RXFP1: variants seen among roughly 807,000 people sequenced by gnomAD.
RXFP1 encodes the protein relaxin family peptide receptor 1.
A neutral mutation model predicts 89.8 loss-of-function variants in RXFP1; 73 were observed. That is an observed-to-expected ratio of 0.81 (90% confidence interval 0.67 to 0.99). The LOEUF is 0.99. Among genes scored for constraint, RXFP1 ranks in the 50% least tolerant of loss-of-function variants. RXFP1 has a pLI of 0.00. For missense variants in RXFP1, 793 were observed against 895.5 expected (o/e 0.89, Z 1.46); for synonymous variants, 277 against 305.5 (o/e 0.91, Z 0.97).
At chr4:158,617,106 A>T (rs1363333339) in intron 8 of RXFP1, 25 bp from the exon 9 acceptor site, 20 of 1,540,270 alleles carry the variant, frequency 1.3e-5, no homozygotes, top group Admixed American at 8.7e-5. Context: ...GAAAAATGTG[A>T]CTTGTTTGTC....
At chr4:158,639,116 A>G (rs1769836267) in intron 13 of RXFP1, 144 bp from the exon 14 acceptor site, 1 of 533,678 alleles carries the variant, frequency 1.9e-6, no homozygotes. Context: ...GATTTGGGGA[A>G]GTGGGTGGGT....
intron 1 of RXFP1, among the ~76,000 whole-genome samples, chr4:158,541,497 A>G (rs567404569): frequency 5.3e-5 from 8 of 152,124 alleles, no homozygotes; most frequent in Non-Finnish European, 7.3e-5. Context: ...CTTGGAAACT[A>G]TTTCAGCTCC....
chr4:158,616,892 G>A (rs1222556716), intron 8 of RXFP1, among the ~76,000 whole-genome samples: 5 of 151,062 alleles, frequency 3.3e-5, no homozygotes, highest in Non-Finnish European at 7.4e-5. Flanking sequence ...CCAGCTGCTC[G>A]GAGGGCCGAG....
Position 158,528,399 on chromosome 4 carries a change from G to A in RXFP1, c.49+6374G>A, listed in dbSNP as rs140387255. 2.1e-3 allele frequency among the ~76,000 whole-genome samples: 317 copies of A among 152,234 alleles called. 2 individuals carry two copies. The highest frequency in any genetic ancestry group is 7.3e-3 in the African/African-American group (303 of 41,550). On this transcript the variant is annotated intron_variant, in intron 1 of 17. Transcript: ENST00000307765. ...CAAGTATCTGTAGTTCCAGCTACTC[G>A]GGAAGCTGAGGTGGGAGGATCGCTT...
At chr4:158,627,271 A>G (rs1767040487) in intron 10 of RXFP1, among the ~76,000 whole-genome samples, 1 of 152,130 alleles carries the variant, frequency 6.6e-6, no homozygotes, top group South Asian at 2.1e-4. Flanking sequence ...TGTTAAAAGT[A>G]AAGGATGTTA....
chr4:158,538,681 C>A (rs1745856548), intron 1 of RXFP1, among the ~76,000 whole-genome samples: 1 of 151,962 alleles, frequency 6.6e-6, no homozygotes, highest in Non-Finnish European at 1.5e-5. Flanking sequence ...GGCGTCCTGG[C>A]ACATGCCTGT....
chr4:158,632,133 G>T (rs895128893), intron 11 of RXFP1, among the ~76,000 whole-genome samples: 8 of 152,160 alleles, frequency 5.3e-5, no homozygotes, highest in Non-Finnish European at 1.2e-4. Context: ...TTATGAAAGA[G>T]ATGGAATTTT....
chr4:158,630,719 T>C (rs1767872790), intron 11 of RXFP1, among the ~76,000 whole-genome samples: 2 of 152,218 alleles, frequency 1.3e-5, no homozygotes, highest in South Asian at 4.1e-4. Context: ...TAATCCCATA[T>C]TAAACACTTA....
At chr4:158,638,118 T>C (rs1769574645) in intron 13 of RXFP1, 39 bp downstream of exon 13, 1 of 1,228,222 alleles carries the variant, frequency 8.1e-7, no homozygotes, top group African/African-American at 1.5e-5. Flanking sequence ...ATGATAAAAT[T>C]GTTTTTTAAA....
At chr4:158,564,801 T>C (rs1018506151) in intron 1 of RXFP1, among the ~76,000 whole-genome samples, 4 of 152,234 alleles carry the variant, frequency 2.6e-5, no homozygotes, top group African/African-American at 9.6e-5. Context: ...TTCTATTGAT[T>C]TGTGTTATTG....
intron 6 of RXFP1, among the ~76,000 whole-genome samples, chr4:158,611,451 G>T (rs533930882): frequency 6.6e-6 from 1 of 152,274 alleles, no homozygotes; most frequent in Non-Finnish European, 1.5e-5. Context: ...ACAGGCCCCT[G>T]CCTGCCTCCT....
At chr4:158,549,504 T>C (rs1749513390) in intron 1 of RXFP1, among the ~76,000 whole-genome samples, 1 of 152,252 alleles carries the variant, frequency 6.6e-6, no homozygotes, top group Admixed American at 6.5e-5. Flanking sequence ...GGAGCTGCGT[T>C]CCTTTGGAGG....
At chr4:158,562,838 CCAA>C (rs145457590) in intron 1 of RXFP1, among the ~76,000 whole-genome samples, 4,818 of 152,166 alleles carry the variant, frequency 0.032, 240 homozygotes, top group African/African-American at 0.11. Flanking sequence ...GCAAATTAAA[CCAA>C]CAAGAGGCTG....
intron 1 of RXFP1, among the ~76,000 whole-genome samples, chr4:158,529,877 T>G (rs1743594348): frequency 6.6e-6 from 1 of 152,230 alleles, no homozygotes; most frequent in African/African-American, 2.4e-5. Flanking sequence ...ATTTCCCTAA[T>G]AAATACTTCC....
chr4:158,553,292 G>T (rs564165468), intron 1 of RXFP1, among the ~76,000 whole-genome samples: 1 of 152,258 alleles, frequency 6.6e-6, no homozygotes, highest in East Asian at 1.9e-4. Flanking sequence ...ATTGATAATT[G>T]AATCAATAAA....
chr4:158,630,951 T>A (rs1468250823), intron 11 of RXFP1, among the ~76,000 whole-genome samples: 2 of 152,242 alleles, frequency 1.3e-5, no homozygotes, highest in African/African-American at 4.8e-5. Flanking sequence ...CTTTGCCACG[T>A]GGGTGACTTA....
intron 3 of RXFP1, among the ~76,000 whole-genome samples, chr4:158,594,228 G>C (rs28654650): frequency 0.31 from 47,535 of 152,082 alleles, 13,729 homozygotes; most frequent in African/African-American, 0.76. Context: ...ACTGTTCTTT[G>C]AGAAACTTTC....
In RXFP1 at chr4:158,556,569, T is replaced by G. The variant is rs545146122; in HGVS notation, c.50-16129T>G. ...AGCAATCCTACTCCTGGGTATATAT[T>G]CAAAGGAAATAAAATCAGTATGTTG... On this transcript the variant is annotated intron_variant, in intron 1 of 17. Transcript: ENST00000307765. 3.5e-4 allele frequency among the ~76,000 whole-genome samples: 53 copies of G among 152,266 alleles called. No individual in the cohort carries two copies. The Middle Eastern group carries it at 0.01, about 29-fold the overall frequency.
At chr4:158,541,626 C>G (rs1033180880) in intron 1 of RXFP1, among the ~76,000 whole-genome samples, 1 of 152,042 alleles carries the variant, frequency 6.6e-6, no homozygotes, top group Non-Finnish European at 1.5e-5. Flanking sequence ...CACCTTTCAC[C>G]TGGATTCACT....
Sources: gnomAD v4.1 joint callset for allele counts (sites outside exome capture counted in the v4.1 genomes callset) on GRCh38, gnomAD v4.1.1 for gene constraint, MANE v1.5 for transcripts, NCBI Gene and HGNC (gene_info 2026-07-23, HGNC 2026-07-21) for gene names.